USP30: variants seen among roughly 807,000 people sequenced by gnomAD.
USP30 encodes the protein ubiquitin carboxyl-terminal hydrolase 30.
In USP30, 41 loss-of-function variants were observed where a neutral mutation model predicts 68.2. The observed-to-expected ratio is 0.60, with a 90% CI of 0.47 to 0.78. The LOEUF (loss-of-function observed/expected upper bound fraction) is 0.78, where lower values mean the gene tolerates loss of function less well. Among genes scored for constraint, USP30 ranks in the 30% least tolerant of loss-of-function variants. The probability of loss-of-function intolerance (pLI) is 0.00; values close to 1 mark genes in which losing one functional copy is unlikely to be tolerated. For synonymous variants in USP30, 229 were observed against 253.7 expected (o/e 0.90, Z 0.93); for missense variants, 522 against 649.4 (o/e 0.80, Z 2.13).
At chr12:109,049,062 G>A (rs1296713974), upstream of USP30, among the ~76,000 whole-genome samples, 6 of 152,210 alleles carry the variant, frequency 3.9e-5, no homozygotes, top group Non-Finnish European at 8.8e-5. Flanking sequence ...GGCCCATTCA[G>A]TCAGTTGGCG....
chr12:109,054,053 C>T (rs1223434035), intron 1 of USP30: 3 of 456,050 alleles, frequency 6.6e-6, no homozygotes, highest in Admixed American at 4.7e-5. Context: ...GTAAGATTGT[C>T]ACAGGGCCTG....
At chr12:109,059,212 G>A (rs2040979587) in intron 3 of USP30, among the ~76,000 whole-genome samples, 1 of 152,022 alleles carries the variant, frequency 6.6e-6, no homozygotes, top group Non-Finnish European at 1.5e-5. Context: ...TTTGTTTTTT[G>A]AGACAGAGTC....
intron 3 of USP30, among the ~76,000 whole-genome samples, chr12:109,060,718 G>T (rs991141498): frequency 2.0e-5 from 3 of 152,046 alleles, no homozygotes; most frequent in African/African-American, 7.2e-5. Context: ...GCAGTGGCGG[G>T]ATCTCGGCTC....
upstream of USP30, among the ~76,000 whole-genome samples, chr12:109,050,660 T>C (rs1348757013): frequency 4.6e-5 from 7 of 152,156 alleles, no homozygotes; most frequent in Non-Finnish European, 7.3e-5. Flanking sequence ...CTTGGGGCTA[T>C]TGAGCACATG....
upstream of USP30, among the ~76,000 whole-genome samples, chr12:109,048,078 CTTTTT>C (rs571441531): frequency 7.4e-6 from 1 of 134,362 alleles, no homozygotes; most frequent in African/African-American, 2.8e-5. Context: ...AGAATGCCTA[CTTTTT>C]TTTTTTTTTT....
chr12:109,050,164 G>A (rs1054747876), upstream of USP30, among the ~76,000 whole-genome samples: 5 of 151,958 alleles, frequency 3.3e-5, no homozygotes, highest in African/African-American at 9.7e-5. Context: ...CGTGGTGGCG[G>A]GAGCCTGTAG....
At chr12:109,067,785 A>G (rs1156922154) in intron 4 of USP30, among the ~76,000 whole-genome samples, 158 bp downstream of exon 4, 1 of 152,170 alleles carries the variant, frequency 6.6e-6, no homozygotes, top group Non-Finnish European at 1.5e-5. Context: ...TCCTGCTCTC[A>G]TGATCAGAGG....
chr12:109,043,787 C>G (rs188188576), intron 3 of USP30, among the ~76,000 whole-genome samples: 46 of 152,260 alleles, frequency 3.0e-4, no homozygotes, highest in African/African-American at 1.1e-3. Flanking sequence ...AGTAAGAAAG[C>G]AACCCACAGA....
intron 3 of USP30, among the ~76,000 whole-genome samples, chr12:109,030,372 A>G (rs73413037): frequency 0.029 from 4,380 of 152,300 alleles, 220 homozygotes; most frequent in African/African-American, 0.1. Context: ...TGAAACAAAT[A>G]TATGTCAAAC....
chr12:109,052,024 C>A (rs752857158), upstream of USP30, among the ~76,000 whole-genome samples: 1 of 152,202 alleles, frequency 6.6e-6, no homozygotes, highest in Non-Finnish European at 1.5e-5. Flanking sequence ...AAAAAACTTA[C>A]TATTTCTTCA....
At chr12:109,045,127 T>C (rs1456603108) in intron 3 of USP30, among the ~76,000 whole-genome samples, 1 of 151,830 alleles carries the variant, frequency 6.6e-6, no homozygotes, top group Admixed American at 6.6e-5. Flanking sequence ...TATAGGCATG[T>C]ACTACCATGC....
rs189446146 is a variant in USP30, at chr12:109,031,637, G to T, written c.-136+4081G>T. 1.5e-3 allele frequency among the ~76,000 whole-genome samples: 222 copies of T among 152,326 alleles called. 1 individual carries two copies. Among genetic ancestry groups the T allele is most frequent in the African/African-American group, 5.0e-3 (208 of 41,576 alleles). On this transcript the variant is annotated intron_variant, in intron 3 of 15. Transcript: ENST00000392784. ...TAGATGAATGGATAAACAAAATGTG[G>T]TCTATCCATGCAATGGAATATCATT...
At chr12:109,066,654 C>T (rs553398927) in intron 3 of USP30, among the ~76,000 whole-genome samples, 3 of 152,148 alleles carry the variant, frequency 2.0e-5, no homozygotes, top group Non-Finnish European at 4.4e-5. Context: ...CATTGCACTC[C>T]ACCCTGGGCG....
intron 4 of USP30, among the ~76,000 whole-genome samples, chr12:109,068,416 G>T (rs1371282735): frequency 6.6e-6 from 1 of 152,204 alleles, no homozygotes; most frequent in East Asian, 1.9e-4. Flanking sequence ...GGGAGCTGGG[G>T]AGGCTTTCTA....
At chr12:109,082,489 A>G (rs997010804) in intron 9 of USP30, 174 bp from the exon 10 acceptor site, 2 of 615,852 alleles carry the variant, frequency 3.2e-6, no homozygotes, top group Non-Finnish European at 2.9e-6. Flanking sequence ...CTGTTATTTA[A>G]TGACTAAGAG....
intron 3 of USP30, among the ~76,000 whole-genome samples, chr12:109,061,649 A>T (rs371452678): frequency 1.3e-5 from 2 of 152,028 alleles, no homozygotes; most frequent in Admixed American, 6.6e-5. Flanking sequence ...AGCTCAAGCA[A>T]TCTGCCTGCC....
chr12:109,036,106 G>T (rs2040517291), intron 3 of USP30, among the ~76,000 whole-genome samples: 1 of 152,200 alleles, frequency 6.6e-6, no homozygotes, highest in Non-Finnish European at 1.5e-5. Flanking sequence ...GCTGAAGTGA[G>T]TCAGGGTTTC....
At chr12:109,055,425 C>T in intron 1 of USP30, among the ~76,000 whole-genome samples, 1 of 32,142 alleles carries the variant, frequency 3.1e-5, no homozygotes, top group African/African-American at 1.1e-4. Context: ...TTTTTTGAGG[C>T]AGAGTCTCGC....
At chr12:109,059,063 A>T (rs927967690) in intron 3 of USP30, among the ~76,000 whole-genome samples, 2 of 152,230 alleles carry the variant, frequency 1.3e-5, no homozygotes, top group Non-Finnish European at 2.9e-5. Context: ...GTAGATTGTG[A>T]CTTAACTAGC....
Sources: allele counts gnomAD v4.1 joint callset (sites outside exome capture counted in the v4.1 genomes callset), GRCh38; gene constraint gnomAD v4.1.1; transcripts MANE v1.5; gene names NCBI Gene and HGNC (gene_info 2026-07-23, HGNC 2026-07-21).